Variants in EVA1A observed in about 807,000 individuals in gnomAD.
EVA1A encodes protein eva-1 homolog A.
Under a neutral mutation model 9.8 loss-of-function variants are expected in EVA1A, and 7 were observed. The observed-to-expected ratio is 0.71, with a 90% CI of 0.41 to 1.34. The LOEUF (loss-of-function observed/expected upper bound fraction) is 1.34, where lower values mean the gene tolerates loss of function less well. Among genes scored for constraint, EVA1A ranks in the 40% most tolerant of loss-of-function variants. The pLI is 0.01. For missense variants in EVA1A, 206 were observed against 205.9 expected, an observed-to-expected ratio of 1.00 and a Z score of 0.00; for synonymous variants, 90 against 85.6, an observed-to-expected ratio of 1.05 and a Z score of -0.28.
chr2:75,498,411 G>A (rs934849052), intron 3 of EVA1A, among the ~76,000 whole-genome samples: 2 of 151,912 alleles, frequency 1.3e-5, no homozygotes, highest in Non-Finnish European at 1.5e-5. Flanking sequence ...GGGATCATTC[G>A]TACACCAAAC....
intron 3 of EVA1A, among the ~76,000 whole-genome samples, chr2:75,515,884 A>AAC (rs532842265): frequency 1.8e-4 from 27 of 151,632 alleles, no homozygotes; most frequent in South Asian, 1.0e-3. Flanking sequence ...CCTAACAAAG[A>AAC]ACACACACAC....
intron 3 of EVA1A, among the ~76,000 whole-genome samples, chr2:75,509,701 A>C (rs1674743405): frequency 6.6e-6 from 1 of 152,160 alleles, no homozygotes; most frequent in African/African-American, 2.4e-5. Flanking sequence ...CTTTGTTAGA[A>C]ATACAAATTC....
chr2:75,556,604 T>C (rs369744508), intron 1 of EVA1A, among the ~76,000 whole-genome samples: 3 of 152,192 alleles, frequency 2.0e-5, no homozygotes, highest in African/African-American at 7.2e-5. Context: ...GAGGGGATAA[T>C]GCCAGGAGAC....
chr2:75,493,585 T>C lies in EVA1A; in HGVS notation c.110A>G (p.Tyr37Cys). 4 of 1,603,858 alleles carry C rather than the reference T, an allele frequency of 2.5e-6. No homozygotes were observed. Among genetic ancestry groups the C allele is most frequent in the Non-Finnish European group, 2.6e-6 (3 of 1,173,806 alleles). ...VSENPERAAL[Y>C]FVSGVCIGLV... ...CCCGATGCACACGCCAGAAACAAAG[T>C]ACAGAGCTGCTCGCTCAGGATTTTC... Residue 37 changes from tyrosine to cysteine, a missense_variant, in exon 4 of 4, where the codon TAC (tyrosine) becomes TGC (cysteine). Tyr to Cys is a radical substitution (Grantham distance 194). Coordinates refer to ENST00000393913, the MANE Select transcript of EVA1A (RefSeq NM_001135032.2).
At chr2:75,568,571 T>C (rs1324680654) in intron 1 of EVA1A, among the ~76,000 whole-genome samples, 4 of 152,140 alleles carry the variant, frequency 2.6e-5, no homozygotes, top group African/African-American at 9.7e-5. Context: ...CCGGGCAGTA[T>C]ACGCTGTACC....
chr2:75,544,076 C>G (rs1278523901), intron 1 of EVA1A, among the ~76,000 whole-genome samples: 2 of 152,194 alleles, frequency 1.3e-5, no homozygotes, highest in Non-Finnish European at 2.9e-5. Flanking sequence ...TATACTCATG[C>G]CCGCTTCAGA....
intron 3 of EVA1A, among the ~76,000 whole-genome samples, chr2:75,500,761 C>T (rs970481781): frequency 6.6e-6 from 1 of 151,562 alleles, no homozygotes; most frequent in East Asian, 2.0e-4. Context: ...TCAACCTTCC[C>T]CTTTCTGCCT....
At chr2:75,541,438 A>G (rs550940580) in intron 1 of EVA1A, among the ~76,000 whole-genome samples, 18 of 152,306 alleles carry the variant, frequency 1.2e-4, no homozygotes, top group African/African-American at 3.8e-4. Context: ...GGAGATGGAC[A>G]TAGGCAGGAA....
At chr2:75,566,831 T>G (rs991515316) in intron 1 of EVA1A, among the ~76,000 whole-genome samples, 3 of 150,510 alleles carry the variant, frequency 2.0e-5, no homozygotes, top group African/African-American at 7.4e-5. Context: ...TAGCTTAGTA[T>G]AAAATTTGCT....
chr2:75,517,664 C>G (rs567878757), intron 3 of EVA1A: 1 of 628,124 alleles, frequency 1.6e-6, no homozygotes, highest in African/African-American at 1.8e-5. Flanking sequence ...CTCTCTCTCC[C>G]ACACACACAG....
intron 1 of EVA1A, among the ~76,000 whole-genome samples, chr2:75,531,185 T>C (rs1675635877): frequency 6.6e-6 from 1 of 152,140 alleles, no homozygotes; most frequent in Non-Finnish European, 1.5e-5. Flanking sequence ...TATTTAGGAA[T>C]ATACATAACC....
At position 75,493,173 on chromosome 2, in the gene EVA1A, C is replaced by G; in HGVS notation, c.*63G>C. ...AGCTGGGTTCAGTTCCTTGTGCCCA[C>G]TGTCCCTGCAGACGCTCTCCTTTCC... is the stretch of plus-strand genomic sequence containing the variant. On this transcript the variant is annotated 3_prime_UTR_variant, in exon 4 of 4. Coordinates refer to ENST00000393913, the MANE Select transcript of EVA1A (RefSeq NM_001135032.2). The G allele has an allele frequency of 6.5e-7, 1 of 1,541,272 alleles. No homozygotes were observed.
rs1007492980 is a variant in EVA1A at position 75,518,082 on chromosome 2, A to G, written c.59T>C (p.Ile20Thr). The change falls in exon 3 of 4, where the codon ATC (isoleucine) becomes ACC (threonine). Residue 20 changes from isoleucine to threonine, a missense_variant. By Grantham distance (89) the Ile-to-Thr change is moderately conservative (BLOSUM62 -1). Coordinates refer to ENST00000393913, the MANE Select transcript of EVA1A (RefSeq NM_001135032.2). ...TGAGACAAAGGAATAGGCCGCTAGG[A>G]TGTTGCTGAGCAAAGCCATCTCCAC... ...EHVEMALLSN[I>T]LAAYSFVSEN... The G allele has an allele frequency of 6.2e-7, 1 of 1,614,114 alleles. No individual in the cohort carries two copies. Among genetic ancestry groups the G allele is most frequent in the Admixed American group, 1.7e-5 (1 of 60,022 alleles).
chr2:75,540,943 A>G (rs185462737), intron 1 of EVA1A: 1 of 152,370 alleles, frequency 6.6e-6, no homozygotes, highest in African/African-American at 2.4e-5. Flanking sequence ...ATTGTCAAAA[A>G]CCTGGGACGC....
intron 3 of EVA1A, among the ~76,000 whole-genome samples, chr2:75,494,719 G>T (rs1674146668): frequency 6.6e-6 from 1 of 152,180 alleles, no homozygotes; most frequent in Admixed American, 6.5e-5. Flanking sequence ...CCAGATTTCT[G>T]ACCTGTAGAA....
rs570070286 is a variant in EVA1A at position 75,517,585 on chromosome 2, T to C, written c.85+471A>G. Among the ~76,000 whole-genome samples the C allele has an allele frequency of 1.1e-3, 164 of 152,132 alleles. 1 individual carries two copies. The highest frequency in any genetic ancestry group is 1.2e-3 in the Non-Finnish European group (84 of 68,008). ...TCTTCCATACTCCGCATGCCTTCTG[T>C]CTTCATCTCATCTACAGCTTCGTCA... On this transcript the variant is annotated intron_variant, in intron 3 of 3. Transcript: ENST00000393913.
At chr2:75,531,552 T>A (rs1675649093) in intron 1 of EVA1A, among the ~76,000 whole-genome samples, 1 of 151,686 alleles carries the variant, frequency 6.6e-6, no homozygotes, top group Non-Finnish European at 1.5e-5. Context: ...ATATATAATA[T>A]TCTATATATG....
chr2:75,550,965 T>C (rs1676500776), intron 1 of EVA1A, among the ~76,000 whole-genome samples: 1 of 152,040 alleles, frequency 6.6e-6, no homozygotes, highest in Admixed American at 6.5e-5. Context: ...TTACTAAAAA[T>C]ACAAAAAATT....
At chr2:75,530,750 C>A (rs1675617219) in intron 1 of EVA1A, among the ~76,000 whole-genome samples, 1 of 152,050 alleles carries the variant, frequency 6.6e-6, no homozygotes, top group Admixed American at 6.5e-5. Flanking sequence ...TAGGGACATA[C>A]CTTAAGGTAA....
Sources: gnomAD v4.1 joint callset for allele counts (sites outside exome capture counted in the v4.1 genomes callset) on GRCh38, gnomAD v4.1.1 for gene constraint, MANE v1.5 for transcripts, NCBI Gene and HGNC (gene_info 2026-07-23, HGNC 2026-07-21) for gene names.